POPDC1: variants seen among roughly 807,000 people sequenced by gnomAD.
POPDC1 encodes the protein popeye domain cAMP effector 1.
the POPDC1 span, among the ~76,000 whole-genome samples, chr6:105,121,820 G>T: frequency 2.6e-5 from 4 of 152,144 alleles, no homozygotes; most frequent in African/African-American, 9.7e-5. Flanking sequence ...CCTTTTCATC[G>T]TACTGTACAA....
the POPDC1 span, chr6:105,115,645 C>T: frequency 6.2e-7 from 1 of 1,608,436 alleles, no homozygotes; most frequent in Non-Finnish European, 8.5e-7. Context: ...CAGAGATACC[C>T]ATCAGAACTC....
the POPDC1 span, among the ~76,000 whole-genome samples, chr6:105,114,342 A>G: frequency 6.6e-6 from 1 of 152,192 alleles, no homozygotes; most frequent in Non-Finnish European, 1.5e-5. Context: ...TTTAATTCTC[A>G]GGTCCAGCCA....
the POPDC1 span, among the ~76,000 whole-genome samples, chr6:105,129,083 T>TTAAC: frequency 2.0e-5 from 3 of 152,212 alleles, no homozygotes; most frequent in Admixed American, 1.3e-4. Context: ...TATTTCCAGG[T>TTAAC]TAACATCTGA....
the POPDC1 span, chr6:105,100,926 G>C: frequency 2.9e-6 from 2 of 687,002 alleles, no homozygotes; most frequent in Non-Finnish European, 4.4e-6. Context: ...AAGGGTAAGT[G>C]AAAGAACTCT....
the POPDC1 span, among the ~76,000 whole-genome samples, chr6:105,123,561 C>T: frequency 6.6e-6 from 1 of 151,470 alleles, no homozygotes; most frequent in South Asian, 2.1e-4. Flanking sequence ...CCACCACGCC[C>T]AGCTAATTGT....
At chr6:105,110,433 T>C in the POPDC1 span, among the ~76,000 whole-genome samples, 2 of 152,336 alleles carry the variant, frequency 1.3e-5, no homozygotes, top group African/African-American at 4.8e-5. Context: ...GTAAAGCTTA[T>C]TGTTTGTAAG....
the POPDC1 span, among the ~76,000 whole-genome samples, chr6:105,118,414 ATTTGTT>A: frequency 1.3e-5 from 2 of 152,320 alleles, no homozygotes; most frequent in South Asian, 4.1e-4. Context: ...AACCAAACGT[ATTTGTT>A]TTTAAGAAAT....
the POPDC1 span, chr6:105,100,821 A>G: frequency 5.8e-5 from 14 of 242,462 alleles, no homozygotes; most frequent in Non-Finnish European, 1.1e-4. Context: ...ACAATAATAT[A>G]TCTAGAAAAG....
At chr6:105,133,598 C>A in the POPDC1 span, 1 of 1,548,922 alleles carries the variant, frequency 6.5e-7, no homozygotes. Flanking sequence ...CCTGTAAAAA[C>A]AAGTAAACAA....
the POPDC1 span, among the ~76,000 whole-genome samples, chr6:105,110,706 C>T: frequency 6.6e-6 from 1 of 151,410 alleles, no homozygotes; most frequent in Non-Finnish European, 1.5e-5. Flanking sequence ...TTCTTTTAGA[C>T]AGGGTCTCAC....
chr6:105,102,085 G>C, the POPDC1 span, among the ~76,000 whole-genome samples: 1 of 152,136 alleles, frequency 6.6e-6, no homozygotes, highest in African/African-American at 2.4e-5. Context: ...CATGTTGTCC[G>C]GGTTTCCACC....
the POPDC1 span, chr6:105,116,749 G>A: frequency 1.2e-6 from 2 of 1,610,600 alleles, no homozygotes; most frequent in South Asian, 2.2e-5. Context: ...TATTTGTGAT[G>A]TCTTTTCCAA....
chr6:105,134,357 T>C, the POPDC1 span, among the ~76,000 whole-genome samples: 1 of 152,148 alleles, frequency 6.6e-6, no homozygotes, highest in Non-Finnish European at 1.5e-5. Flanking sequence ...ATTTAAAGAA[T>C]ATACATTTTA....
chr6:105,108,173 G>A, the POPDC1 span, among the ~76,000 whole-genome samples: 1 of 152,146 alleles, frequency 6.6e-6, no homozygotes, highest in Non-Finnish European at 1.5e-5. Context: ...CAAAAGTCCC[G>A]CAGCCTCTTC....
the POPDC1 span, among the ~76,000 whole-genome samples, chr6:105,132,026 C>G: frequency 6.7e-6 from 1 of 149,558 alleles, no homozygotes; most frequent in African/African-American, 2.5e-5. Context: ...AGTGCAGTGG[C>G]ACAATCTTGG....
At chr6:105,107,742 A>T in the POPDC1 span, among the ~76,000 whole-genome samples, 3 of 152,234 alleles carry the variant, frequency 2.0e-5, no homozygotes, top group Non-Finnish European at 4.4e-5. Context: ...AAAAACCTAC[A>T]GGAGTTTAAA....
the POPDC1 span, among the ~76,000 whole-genome samples, chr6:105,109,781 A>AAAAAAAAAAAAAAAAAAC: frequency 6.8e-6 from 1 of 147,752 alleles, no homozygotes; most frequent in African/African-American, 2.5e-5. Flanking sequence ...AAAAAAAAAA[A>AAAAAAAAAAAAAAAAAAC]AGATTAAGTG....
At chr6:105,125,340 A>AT in the POPDC1 span, 1 of 1,585,034 alleles carries the variant, frequency 6.3e-7, no homozygotes, top group Non-Finnish European at 8.7e-7. Context: ...CCCAGAGGCC[A>AT]TGAAAAGATT....
the POPDC1 span, among the ~76,000 whole-genome samples, chr6:105,134,035 T>G: frequency 6.6e-6 from 1 of 152,130 alleles, no homozygotes; most frequent in African/African-American, 2.4e-5. Flanking sequence ...ACTAGAAAAC[T>G]AATTATTTGA....
Sources: allele counts gnomAD v4.1 joint callset (sites outside exome capture counted in the v4.1 genomes callset), GRCh38; gene constraint gnomAD v4.1.1; transcripts MANE v1.5; gene names NCBI Gene and HGNC (gene_info 2026-07-23, HGNC 2026-07-21).